The following ASB18 variants were observed in gnomAD, a reference collection of about 807,000 sequenced individuals.
ASB18 encodes the protein ankyrin repeat and SOCS box protein 18.
ASB18 carries 33 observed loss-of-function variants against 33.4 expected under a neutral mutation model. The observed-to-expected ratio is 0.99, with a 90% CI of 0.75 to 1.32. The LOEUF (loss-of-function observed/expected upper bound fraction) is 1.32, where lower values mean the gene tolerates loss of function less well. Ranked by LOEUF, ASB18 falls within the 40% of genes most tolerant of loss-of-function variation. ASB18 has a pLI of 0.00. For missense variants in ASB18, 694 were observed against 655.5 expected, an observed-to-expected ratio of 1.06 and a Z score of -0.64; for synonymous variants, 295 against 307.6, an observed-to-expected ratio of 0.96 and a Z score of 0.43.
chr2:236,226,898 A>G lies in ASB18; in HGVS notation c.596+10791T>C, dbSNP rs2060542602. ...CAAAGATAGCATAGAGAGTTTCTGAATACGCTTCACCCAGCTTCCCCTAAA... is the reference window on the plus strand; with the variant it reads ...CAAAGATAGCATAGAGAGTTTCTGAGTACGCTTCACCCAGCTTCCCCTAAA... On this transcript the variant is annotated intron_variant, in intron 3 of 5. Coordinates refer to ENST00000409749, the MANE Select transcript of ASB18 (RefSeq NM_212556.4). The surrounding 1 kb of genome is among the most constrained non-coding windows in gnomAD (Gnocchi z 4.8). Among the ~76,000 whole-genome samples the G allele has an allele frequency of 6.6e-6, 1 of 152,162 alleles. No individual in the cohort carries two copies. The highest frequency in any genetic ancestry group is 1.5e-5 in the Non-Finnish European group (1 of 68,032).
At position 236,245,864 on chromosome 2, in the gene ASB18, T is replaced by C. The variant is rs571890968; in HGVS notation, c.206-4462A>G. Among the ~76,000 whole-genome samples, 2 of 152,278 alleles carry C rather than the reference T, an allele frequency of 1.3e-5. No homozygotes were observed. Among genetic ancestry groups the C allele is most frequent in the African/African-American group, 4.8e-5 (2 of 41,562 alleles). ...GGACTCTTTGAAACTTGCTCAACAT[T>C]AAAGCTCCTCAGTGGTTCTTGCTCT... On this transcript the variant is annotated intron_variant, in intron 1 of 5. Coordinates refer to ENST00000409749, the MANE Select transcript of ASB18 (RefSeq NM_212556.4). The surrounding 1 kb of genome is among the most constrained non-coding windows in gnomAD (Gnocchi z 4.7).
rs1326147008 is a variant in ASB18, at chr2:236,193,930, G to T, written c.*942C>A. ...CTGAATTGTCCCAGTGTTGTGTGTG[G>T]GTGGGTGGGTGTGGGGGTGTGTGAG... On this transcript the variant is annotated 3_prime_UTR_variant, in exon 6 of 6. Transcript: ENST00000409749. The surrounding 1 kb of genome is among the most constrained non-coding windows in gnomAD (Gnocchi z 5.0). 2.0e-5 allele frequency among the ~76,000 whole-genome samples: 3 copies of T among 152,242 alleles called. No homozygotes were observed. The highest frequency in any genetic ancestry group is 2.1e-4 in the South Asian group (1 of 4,816).
rs6431443 is a variant in ASB18, at chr2:236,241,668, T to C, written c.206-266A>G. ...ATAACTCCTGTGGGCTCCGATGTGA[T>C]AATGGTTACTTGATATGACCAGGGG... is the stretch of plus-strand genomic sequence containing the variant. On this transcript the variant is annotated intron_variant, in intron 1 of 5. Coordinates refer to ENST00000409749, the MANE Select transcript of ASB18 (RefSeq NM_212556.4). This position sits in a 1 kb window ranked among gnomAD's most constrained non-coding sequence, Gnocchi z 4.2. 132,160 of 611,344 alleles carry C rather than the reference T, an allele frequency of 0.22. 15,075 individuals carry two copies. The highest frequency in any genetic ancestry group is 0.26 in the South Asian group (13,184 of 51,082). The allele number at this position is 611,344 out of a possible 1,614,324, so 37.9% of individuals were successfully genotyped here.
Position 236,250,498 on chromosome 2 carries a change from C to G in ASB18, c.206-9096G>C, listed in dbSNP as rs1486762974. On this transcript the variant is annotated intron_variant, in intron 1 of 5. Transcript: ENST00000409749. The surrounding 1 kb of genome is among the most constrained non-coding windows in gnomAD (Gnocchi z 4.1). ...TGGACATTGTGAAATTCCGTGCATTCTTTCTTAAATATGCCAGCGCACGTT... is the reference window on the plus strand; with the variant it reads ...TGGACATTGTGAAATTCCGTGCATTGTTTCTTAAATATGCCAGCGCACGTT... The G allele has an allele frequency of 6.6e-6, 1 of 152,258 alleles. No homozygotes were observed. The highest frequency in any genetic ancestry group is 1.5e-5 in the Non-Finnish European group (1 of 68,058). 9.4% of individuals were successfully genotyped at this position (152,258 alleles called of 1,614,324 possible).
rs1427597650 is a variant in ASB18 at position 236,259,290 on chromosome 2, C to T, written c.205+4851G>A. Among the ~76,000 whole-genome samples, 2 of 152,212 alleles carry T rather than the reference C, an allele frequency of 1.3e-5. No individual in the cohort carries two copies. The highest frequency in any genetic ancestry group is 3.8e-4 in the East Asian group (2 of 5,198). ...GCTGAAGGTGAGCAAAGGAGCTTAG[C>T]TCTTCCATGCCAATCACTGCACCCA... is the stretch of plus-strand genomic sequence containing the variant. On this transcript the variant is annotated intron_variant, in intron 1 of 5. Coordinates refer to ENST00000409749, the MANE Select transcript of ASB18 (RefSeq NM_212556.4). The surrounding 1 kb of genome is among the most constrained non-coding windows in gnomAD (Gnocchi z 4.4).
chr2:236,264,197 G>C lies in ASB18; in HGVS notation c.149C>G (p.Ala50Gly). Reference sequence around the variant, plus strand: ...GGGGTCTTTCATCCAGTCGTCATTGGCCAGTTCTATCACAGCGTCCACAGG... The same window carrying C: ...GGGGTCTTTCATCCAGTCGTCATTGCCCAGTTCTATCACAGCGTCCACAGG... ...ITPVDAVIEL[A>G]NDDWMKDPSA... Residue 50 changes from alanine (A) to glycine (G), a missense_variant, in exon 1 of 6, where the codon GCC (alanine) becomes GGC (glycine). Coordinates refer to ENST00000409749, the MANE Select transcript of ASB18 (RefSeq NM_212556.4). The surrounding 1 kb of genome is among the most constrained non-coding windows in gnomAD (Gnocchi z 5.1). 1.2e-6 allele frequency: 2 copies of C among 1,613,898 alleles called. No homozygotes were observed. The highest frequency in any genetic ancestry group is 1.7e-6 in the Non-Finnish European group (2 of 1,179,862).
intron 3 of ASB18, among the ~76,000 whole-genome samples, chr2:236,232,430 T>A (rs2060570387): frequency 6.6e-6 from 1 of 151,920 alleles, no homozygotes; most frequent in Non-Finnish European, 1.5e-5. Flanking sequence ...AGCTTCCACC[T>A]TAAGAAACTA....
rs1422964841 is a variant in ASB18 at position 236,251,640 on chromosome 2, A to C, written c.206-10238T>G. Among the ~76,000 whole-genome samples, 1 of 152,236 alleles carries C rather than the reference A, an allele frequency of 6.6e-6. No homozygotes were observed. The highest frequency in any genetic ancestry group is 1.9e-4 in the East Asian group (1 of 5,198). On this transcript the variant is annotated intron_variant, in intron 1 of 5. Coordinates refer to ENST00000409749, the MANE Select transcript of ASB18 (RefSeq NM_212556.4). This position sits in a 1 kb window ranked among gnomAD's most constrained non-coding sequence, Gnocchi z 5.3. ...ACACTGCATCCAGCAAAGTGAGGCC[A>C]GTTTTGTCTGATGGAGTTAAATTCC... is the stretch of plus-strand genomic sequence containing the variant.
intron 1 of ASB18, among the ~76,000 whole-genome samples, chr2:236,261,023 T>C (rs2060714646): frequency 6.6e-6 from 1 of 152,028 alleles, no homozygotes; most frequent in Non-Finnish European, 1.5e-5. Flanking sequence ...CTCAGTGGAG[T>C]AGAGGTTCAA....
chr2:236,224,718 G>A (rs2060529207), intron 3 of ASB18, among the ~76,000 whole-genome samples: 1 of 152,184 alleles, frequency 6.6e-6, no homozygotes, highest in South Asian at 2.1e-4. Flanking sequence ...ACCATGCCTT[G>A]CAGGCCTGAG....
chr2:236,195,008 CGTG>C lies in ASB18; in HGVS notation c.1262_1264del (p.Pro421del). The C allele has an allele frequency of 6.2e-7, 1 of 1,613,638 alleles. No homozygotes were observed. ...ACAGCGGCAAAGATGCTGCAGGCAG[CGTG>C]GGGTGAGGGCCAAGGCAAAGAGGGA... On this transcript the variant is annotated inframe_deletion, in exon 6 of 6. Coordinates refer to ENST00000409749, the MANE Select transcript of ASB18 (RefSeq NM_212556.4). This position sits in a 1 kb window ranked among gnomAD's most constrained non-coding sequence, Gnocchi z 5.5.
At chr2:236,233,719 T>G (rs1252824324) in intron 3 of ASB18, among the ~76,000 whole-genome samples, 1 of 152,192 alleles carries the variant, frequency 6.6e-6, no homozygotes, top group Non-Finnish European at 1.5e-5. Flanking sequence ...TATGCAAACC[T>G]TGTTCCCTAA....
rs1057227987 is a variant in ASB18, at chr2:236,228,198, A to G, written c.596+9491T>C. Among the ~76,000 whole-genome samples, 3 of 152,222 alleles carry G rather than the reference A, an allele frequency of 2.0e-5. No homozygotes were observed. In the South Asian group the frequency reaches 6.2e-4, roughly 31 times the overall value. ...AAGAAAGCCTCCTGGTGGAAAGTGG[A>G]GAATGCTTGTAGCCAAGGATGGAAA... On this transcript the variant is annotated intron_variant, in intron 3 of 5. Coordinates refer to ENST00000409749, the MANE Select transcript of ASB18 (RefSeq NM_212556.4). The surrounding 1 kb of genome is among the most constrained non-coding windows in gnomAD (Gnocchi z 5.1).
rs981597508 is a variant in ASB18 at position 236,231,419 on chromosome 2, G to A, written c.596+6270C>T. On this transcript the variant is annotated intron_variant, in intron 3 of 5. Transcript: ENST00000409749. The surrounding 1 kb of genome is among the most constrained non-coding windows in gnomAD (Gnocchi z 5.5). ...TTAGTGCCCTTATAAAAGGGCTTGA[G>A]GGATTAAATTTGCCTCTTCCATTTT... 6.6e-6 allele frequency among the ~76,000 whole-genome samples: 1 copy of A among 152,156 alleles called. No homozygotes were observed. The highest frequency in any genetic ancestry group is 2.4e-5 in the African/African-American group (1 of 41,434).
At position 236,255,075 on chromosome 2, in the gene ASB18, A is replaced by C. The variant is rs1323501804; in HGVS notation, c.205+9066T>G. On this transcript the variant is annotated intron_variant, in intron 1 of 5. Transcript: ENST00000409749. This position sits in a 1 kb window ranked among gnomAD's most constrained non-coding sequence, Gnocchi z 4.4. Reference sequence around the variant, plus strand: ...CTTCCTGAAGTCTCCCCAGAAGCCGAAGCCGCTACGCTTCCTGTACAGCCT... The same window carrying C: ...CTTCCTGAAGTCTCCCCAGAAGCCGCAGCCGCTACGCTTCCTGTACAGCCT... Among the ~76,000 whole-genome samples the C allele has an allele frequency of 6.6e-6, 1 of 152,194 alleles. No homozygotes were observed. Among genetic ancestry groups the C allele is most frequent in the Non-Finnish European group, 1.5e-5 (1 of 68,020 alleles).
rs1232630948 is a variant in ASB18 at position 236,255,702 on chromosome 2, C to T, written c.205+8439G>A. Among the ~76,000 whole-genome samples, 4 of 152,214 alleles carry T rather than the reference C, an allele frequency of 2.6e-5. No individual in the cohort carries two copies. The highest frequency in any genetic ancestry group is 5.9e-5 in the Non-Finnish European group (4 of 68,034). ...CTCATTCCTTTGCTGAATGGCTCCT[C>T]ATGGCTTTTCCAAGTAAGTGTAAAC... On this transcript the variant is annotated intron_variant, in intron 1 of 5. Transcript: ENST00000409749. The surrounding 1 kb of genome is among the most constrained non-coding windows in gnomAD (Gnocchi z 4.4).
In ASB18 at chr2:236,246,346, C is replaced by CAAAAAAAAAA. The variant is rs60064230; in HGVS notation, c.206-4954_206-4945dup. 2.3e-3 allele frequency among the ~76,000 whole-genome samples: 75 copies of CAAAAAAAAAA among 32,716 alleles called. 7 individuals carry two copies. The highest frequency in any genetic ancestry group is 6.2e-3 in the African/African-American group (69 of 11,102). The allele number at this position is 32,716 out of a possible 152,430, so 21.5% of individuals were successfully genotyped here. ...TGGGTGACAGAGCAAGACTCCATCT[C>CAAAAAAAAAA]AAAAAAAAAAAAAAAAAAAAAAAAA... is the stretch of plus-strand genomic sequence containing the variant. On this transcript the variant is annotated intron_variant, in intron 1 of 5. Coordinates refer to ENST00000409749, the MANE Select transcript of ASB18 (RefSeq NM_212556.4).
Position 236,251,231 on chromosome 2 carries a change from C to T in ASB18, c.206-9829G>A, listed in dbSNP as rs910915242. Among the ~76,000 whole-genome samples, 3 of 152,188 alleles carry T rather than the reference C, an allele frequency of 2.0e-5. No individual in the cohort carries two copies. The highest frequency in any genetic ancestry group is 1.9e-4 in the East Asian group (1 of 5,190). On this transcript the variant is annotated intron_variant, in intron 1 of 5. Transcript: ENST00000409749. This position sits in a 1 kb window ranked among gnomAD's most constrained non-coding sequence, Gnocchi z 5.3. ...AAGATGCCCTTGAACACCGTGTATC[C>T]GCTGTGGATGAGTGCAAAACACAGC...
chr2:236,224,197 T>TC (rs1297202673), intron 3 of ASB18, among the ~76,000 whole-genome samples: 4 of 148,026 alleles, frequency 2.7e-5, no homozygotes, highest in Non-Finnish European at 6.0e-5. Flanking sequence ...TTTTTTTTTT[T>TC]TTTTTTTTTT....
Sources: gnomAD v4.1 joint callset for allele counts (sites outside exome capture counted in the v4.1 genomes callset) on GRCh38, gnomAD v4.1.1 for gene constraint, Gnocchi (gnomAD v3.1) non-coding constraint, MANE v1.5 for transcripts, NCBI Gene and HGNC (gene_info 2026-07-23, HGNC 2026-07-21) for gene names.